Variants in TOP2A observed in about 807,000 individuals in gnomAD.
TOP2A encodes DNA topoisomerase 2-alpha.
TOP2A carries 68 observed loss-of-function variants against 187.2 expected under a neutral mutation model. The ratio of observed to expected loss-of-function variants is 0.36; its 90% CI spans 0.30 to 0.44. The LOEUF (loss-of-function observed/expected upper bound fraction) is 0.44. Ranked by LOEUF, TOP2A falls within the 20% of genes least tolerant of loss-of-function variation. TOP2A has a pLI of 1.00. For synonymous variants in TOP2A, 542 were observed against 593.2 expected, an observed-to-expected ratio of 0.91 and a Z score of 1.25; for missense variants, 1,196 against 1,808.7, an observed-to-expected ratio of 0.66 and a Z score of 6.14.
rs368912438 is a variant in TOP2A, at chr17:40,414,728, C to T, written c.333-1103G>A. ...AAAATTAGCCAGGTGTGGTGGTGTG[C>T]GCCTGTAATCCCAGCTACTCTGGAG... On this transcript the variant is annotated intron_variant, in intron 4 of 34. Transcript: ENST00000423485. 1.3e-4 allele frequency among the ~76,000 whole-genome samples: 20 copies of T among 151,644 alleles called. No homozygotes were observed. In the East Asian group the frequency reaches 2.4e-3, roughly 18 times the overall value.
rs565731951 is a variant in TOP2A, at chr17:40,390,011, G to T, written c.4421C>A (p.Ser1474Tyr). 3.7e-6 allele frequency: 6 copies of T among 1,613,762 alleles called. No homozygotes were observed. The highest frequency in any genetic ancestry group is 2.7e-5 in the African/African-American group (2 of 74,934). ...RKRKPSTSDD[S>Y]DSNFEKIVSK... is the part of the protein sequence containing the mutation. Reference sequence around the variant, plus strand: ...AACAATTTTCTCAAAATTAGAGTCAGAATCATCAGAAGTGGATGGCTTCCT... The same window carrying T: ...AACAATTTTCTCAAAATTAGAGTCATAATCATCAGAAGTGGATGGCTTCCT... The change falls in exon 34 of 35, where the codon TCT (serine) becomes TAT (tyrosine). Residue 1474 changes from serine to tyrosine, a missense_variant. Ser to Tyr is a moderately radical substitution (Grantham distance 144). This residue lies in a region of TOP2A where 374 missense variants were observed against 403.3 expected (regional missense o/e 0.93). Transcript: ENST00000423485.
rs1472043534 is a variant in TOP2A, at chr17:40,389,593, G to A, written c.4522C>T (p.Pro1508Ser). Residue 1508 changes from proline to serine, a missense_variant, in exon 35 of 35, where the codon CCT becomes TCT. Pro to Ser is a moderately conservative substitution (Grantham distance 74). Transcript: ENST00000423485. ...FHMDFDSAVAPRAKSVRAKKP... is the reference protein window; with the variant it reads ...FHMDFDSAVASRAKSVRAKKP... ...TTTGCCCGTACAGATTTTGCCCGAGGAGCCACAGCTGAGTCAAAGTCCATA... is the reference window on the plus strand; with the variant it reads ...TTTGCCCGTACAGATTTTGCCCGAGAAGCCACAGCTGAGTCAAAGTCCATA... The A allele has an allele frequency of 6.2e-7, 1 of 1,607,350 alleles. No individual in the cohort carries two copies. The highest frequency in any genetic ancestry group is 8.5e-7 in the Non-Finnish European group (1 of 1,176,792).
At chr17:40,404,683 T>C (rs1351320284) in intron 17 of TOP2A, 108 bp downstream of exon 17, 14 of 822,656 alleles carry the variant, frequency 1.7e-5, no homozygotes, top group Non-Finnish European at 2.7e-5. Flanking sequence ...CTCTATCATA[T>C]CAAATTTTTT....
intron 10 of TOP2A, 72 bp from the exon 11 acceptor site, chr17:40,408,702 A>C: frequency 7.0e-7 from 1 of 1,426,810 alleles, no homozygotes; most frequent in Non-Finnish European, 9.9e-7. Flanking sequence ...TAGAATACAA[A>C]TGAGCCTTAA....
At position 40,416,750 on chromosome 17, in the gene TOP2A, A is replaced by G. The variant is rs1266743916; in HGVS notation, c.167T>C (p.Leu56Ser). The change falls in exon 2 of 35, where the codon TTA becomes TCA. Residue 56 changes from leucine (L) to serine (S), a missense_variant. Around this residue, in one of 10 missense-constraint regions of TOP2A, gnomAD observed 97 missense variants for 171.0 expected, o/e 0.57. Transcript: ENST00000423485. ...RPDTYIGSVE[L>S]VTQQMWVYDE... Reference sequence around the variant, plus strand: ...TGAGCTTGATTTTACCTGGGTCACTAATTCCACAGAACCAATGTAGGTGTC... The same window carrying G: ...TGAGCTTGATTTTACCTGGGTCACTGATTCCACAGAACCAATGTAGGTGTC... 6.2e-6 allele frequency: 10 copies of G among 1,605,732 alleles called. No individual in the cohort carries two copies. The Admixed American group carries it at 1.7e-4, about 28-fold the overall frequency.
chr17:40,392,194 AC>A lies in TOP2A; in HGVS notation c.4088+23del, dbSNP rs1264295849. 4.3e-6 allele frequency: 7 copies of A among 1,612,582 alleles called. No individual in the cohort carries two copies. The African/African-American group carries it at 8.0e-5, about 18-fold the overall frequency. ...ATATATTAGAAACAATCATGACAAA[AC>A]CCATATTAGATAAGATACTTGCTTT... On this transcript the variant is annotated intron_variant, in intron 31 of 34. Transcript: ENST00000423485.
At chr17:40,417,672 G>C in intron 1 of TOP2A, 99 bp downstream of exon 1, 7 of 1,583,700 alleles carry the variant, frequency 4.4e-6, no homozygotes, top group South Asian at 1.1e-5. Flanking sequence ...GCCGGTCGCC[G>C]GCCTGACCGC....
At position 40,389,916 on chromosome 17, in the gene TOP2A, G is replaced by A. The variant is rs371265604; in HGVS notation, c.4467+49C>T. The A allele has an allele frequency of 7.8e-6, 12 of 1,538,048 alleles. No homozygotes were observed. The African/African-American group carries it at 1.2e-4, about 16-fold the overall frequency. On this transcript the variant is annotated intron_variant, in intron 34 of 34. Coordinates refer to ENST00000423485, the MANE Select transcript of TOP2A (RefSeq NM_001067.4). ...TTTTTAAGAGCAATGGCTTAGTTACGTGTTTCAGAACATCTACAGCAAAAG... is the reference window on the plus strand; with the variant it reads ...TTTTTAAGAGCAATGGCTTAGTTACATGTTTCAGAACATCTACAGCAAAAG...
In TOP2A at chr17:40,399,134, AT is replaced by A; in HGVS notation, c.3197-4del. ...TAATTCTTTCTTAGGCTTATTTTCTATTTTTAAAAAAGTAAACAGAGATAAT... is the reference window on the plus strand; with the variant it reads ...TAATTCTTTCTTAGGCTTATTTTCTATTTTAAAAAAGTAAACAGAGATAAT... On this transcript the variant is annotated splice_polypyrimidine_tract_variant and splice_region_variant and intron_variant, in intron 24 of 34. Transcript: ENST00000423485. The A allele has an allele frequency of 6.5e-7, 1 of 1,528,938 alleles. No individual in the cohort carries two copies. The highest frequency in any genetic ancestry group is 8.9e-7 in the Non-Finnish European group (1 of 1,126,630). 94.7% of individuals were successfully genotyped at this position (1,528,938 alleles called of 1,614,324 possible).
intron 4 of TOP2A, among the ~76,000 whole-genome samples, chr17:40,414,747 T>C (rs1873018601): frequency 6.6e-6 from 1 of 150,682 alleles, no homozygotes; most frequent in Non-Finnish European, 1.5e-5. Context: ...TCCCAGCTAC[T>C]CTGGAGGCTG....
intron 27 of TOP2A, 65 bp downstream of exon 27, chr17:40,398,493 G>C (rs2035131359): frequency 7.5e-7 from 1 of 1,342,084 alleles, no homozygotes; most frequent in African/African-American, 1.5e-5. Flanking sequence ...CTTGACAAAG[G>C]TATACTGCTG....
chr17:40,395,376 A>G (rs923600623), intron 29 of TOP2A, 73 bp downstream of exon 29: 18 of 898,262 alleles, frequency 2.0e-5, no homozygotes, highest in African/African-American at 5.1e-5. Flanking sequence ...TTGAACATCT[A>G]TGTGGAATGT....
intron 27 of TOP2A, among the ~76,000 whole-genome samples, chr17:40,397,769 C>T (rs2035119735): frequency 6.6e-6 from 1 of 151,212 alleles, no homozygotes; most frequent in South Asian, 2.1e-4. Context: ...TTACTGTATT[C>T]TAAATAGTAT....
chr17:40,389,738 G>T, intron 34 of TOP2A, 91 bp from the exon 35 acceptor site: 1 of 1,465,128 alleles, frequency 6.8e-7, no homozygotes, highest in Middle Eastern at 1.8e-4. Context: ...TATATTCAAG[G>T]AGTTTTCTAT....
intron 1 of TOP2A, chr17:40,417,468 G>A (rs371586937): frequency 1.7e-6 from 2 of 1,162,528 alleles, no homozygotes. Flanking sequence ...ATCTGTACGC[G>A]CGACTCAATA....
chr17:40,406,916 G>C lies in TOP2A; in HGVS notation c.1653C>G (p.Gly551=), dbSNP rs1251886452. ...DQDQDGSHIK[G]LLINFIHHNW... is the part of the protein sequence containing the mutation. The stretch of plus-strand genomic sequence containing the variant: ...TGTGATGGATAAAATTAATCAGCAA[G>C]CCTTTGATGTGGGAACCATCTTGGT... Residue 551 remains glycine, a synonymous_variant, in exon 14 of 35, where the codon GGC becomes GGG. Transcript: ENST00000423485. 6.2e-7 allele frequency: 1 copy of C among 1,602,302 alleles called. No homozygotes were observed. The highest frequency in any genetic ancestry group is 8.5e-7 in the Non-Finnish European group (1 of 1,173,620).
rs577923988 is a variant in TOP2A, at chr17:40,407,030, G to A, written c.1627-88C>T. On this transcript the variant is annotated intron_variant, in intron 13 of 34. Transcript: ENST00000423485. ...TGTAATCCCAGAACTTTGGGAGGCC[G>A]AGGCAGGCGGATCGCCTGAGGTCAG... 1.4e-5 allele frequency: 14 copies of A among 1,033,864 alleles called. No homozygotes were observed. The East Asian group carries it at 1.6e-4, about 12-fold the overall frequency. 64.0% of individuals were successfully genotyped at this position (1,033,864 alleles called of 1,614,324 possible).
chr17:40,399,743 C>T lies in TOP2A; in HGVS notation c.3196+129G>A, dbSNP rs571991580. The T allele has an allele frequency of 9.1e-4, 598 of 654,046 alleles. 4 individuals are homozygous for T. In the Middle Eastern group the frequency reaches 0.016, roughly 17 times the overall value. 40.5% of individuals were successfully genotyped at this position (654,046 alleles called of 1,614,324 possible). On this transcript the variant is annotated intron_variant, in intron 24 of 34. Transcript: ENST00000423485. Reference sequence around the variant, plus strand: ...CCTAATCAGATATTTTAAAGAAATGCGTGTATAAGTGACCAGGTGAATTAA... The same window carrying T: ...CCTAATCAGATATTTTAAAGAAATGTGTGTATAAGTGACCAGGTGAATTAA...
chr17:40,403,295 C>T (rs1259859204), intron 19 of TOP2A, among the ~76,000 whole-genome samples: 1 of 152,152 alleles, frequency 6.6e-6, no homozygotes, highest in East Asian at 1.9e-4. Context: ...TCTCCTTATC[C>T]TCAGCAAAAT....
Sources: gnomAD v4.1 joint callset for allele counts (sites outside exome capture counted in the v4.1 genomes callset) on GRCh38, gnomAD v4.1.1 for gene constraint, gnomAD v4.1.1 regional missense constraint, MANE v1.5 for transcripts, NCBI Gene and HGNC (gene_info 2026-07-23, HGNC 2026-07-21) for gene names.